CDC42BPA: variants seen among roughly 807,000 people sequenced by gnomAD.
The protein encoded by CDC42BPA is serine/threonine-protein kinase MRCK alpha.
CDC42BPA carries 80 observed loss-of-function variants against 223.5 expected under a neutral mutation model. That is an observed-to-expected ratio of 0.36 (90% CI 0.30 to 0.43). CDC42BPA has a LOEUF of 0.43. CDC42BPA is among the 20% of genes least tolerant of loss of function. The pLI is 1.00. For missense variants in CDC42BPA, 1,743 were observed against 2,099.9 expected (o/e 0.83, Z 3.32); for synonymous variants, 694 against 718.6 (o/e 0.97, Z 0.55).
At chr1:227,073,171 C>A (rs561073721) in intron 19 of CDC42BPA, among the ~76,000 whole-genome samples, 61 of 152,162 alleles carry the variant, frequency 4.0e-4, no homozygotes, top group African/African-American at 1.4e-3. Context: ...AATGGATTTT[C>A]GTATTTGTAG....
chr1:227,079,063 T>C (rs1680090108), intron 17 of CDC42BPA, among the ~76,000 whole-genome samples: 1 of 152,162 alleles, frequency 6.6e-6, no homozygotes, highest in Admixed American at 6.5e-5. Flanking sequence ...CTGACCTTTA[T>C]AAACTTGGAT....
At chr1:227,144,089 A>T (rs1418529338) in intron 8 of CDC42BPA, among the ~76,000 whole-genome samples, 2 of 152,232 alleles carry the variant, frequency 1.3e-5, no homozygotes, top group Non-Finnish European at 2.9e-5. Context: ...TCAAACAGTG[A>T]TCACAGCTTA....
At chr1:227,061,846 G>A (rs1428150877) in intron 21 of CDC42BPA, among the ~76,000 whole-genome samples, 1 of 152,058 alleles carries the variant, frequency 6.6e-6, no homozygotes, top group Non-Finnish European at 1.5e-5. Context: ...TGCCCCTTGG[G>A]GAATCTCATC....
chr1:227,054,031 G>A, intron 21 of CDC42BPA, among the ~76,000 whole-genome samples: 1 of 152,162 alleles, frequency 6.6e-6, no homozygotes, highest in East Asian at 1.9e-4. Context: ...AAAACTGACT[G>A]AAATGTCATC....
At chr1:227,231,462 T>G (rs1437058439) in intron 2 of CDC42BPA, among the ~76,000 whole-genome samples, 1 of 152,182 alleles carries the variant, frequency 6.6e-6, no homozygotes, top group African/African-American at 2.4e-5. Context: ...TGTGTCTTTA[T>G]AGCAGCATGA....
chr1:227,183,573 C>T (rs945125529), intron 5 of CDC42BPA: 2 of 152,180 alleles, frequency 1.3e-5, no homozygotes, highest in Non-Finnish European at 2.9e-5. Context: ...CATGGATATA[C>T]CAGTTTTGTT....
In CDC42BPA at chr1:227,261,085, T is replaced by C. The variant is rs1017401367; in HGVS notation, c.179-6930A>G. On this transcript the variant is annotated intron_variant, in intron 1 of 36. Transcript: ENST00000366766. ...TTATTCACCTTTAAGCACCAGTATCTTTCATATTAAAATTTTTTAACAGAA... is the reference window on the plus strand; with the variant it reads ...TTATTCACCTTTAAGCACCAGTATCCTTCATATTAAAATTTTTTAACAGAA... 3.3e-5 allele frequency among the ~76,000 whole-genome samples: 5 copies of C among 149,980 alleles called. 1 individual carries two copies. The highest frequency in any genetic ancestry group is 7.4e-5 in the Non-Finnish European group (5 of 67,956).
chr1:227,006,406 C>CA (rs1000490227), intron 34 of CDC42BPA, among the ~76,000 whole-genome samples: 7 of 152,184 alleles, frequency 4.6e-5, no homozygotes, highest in African/African-American at 1.7e-4. Context: ...CTGTGCTGCA[C>CA]AGCTGACTGA....
At chr1:227,175,803 C>G (rs1183595430) in intron 5 of CDC42BPA, among the ~76,000 whole-genome samples, 1 of 152,158 alleles carries the variant, frequency 6.6e-6, no homozygotes, top group Non-Finnish European at 1.5e-5. Context: ...CACTTCCTAT[C>G]TAGATCTTGA....
chr1:227,080,330 G>A (rs1220632043), intron 17 of CDC42BPA, among the ~76,000 whole-genome samples: 9 of 152,064 alleles, frequency 5.9e-5, no homozygotes, highest in East Asian at 1.9e-4. Context: ...CAGAATAATC[G>A]TTTAATAAAT....
rs1466750804 is a variant in CDC42BPA, at chr1:227,073,867, T to C, written c.2732A>G (p.Glu911Gly). Reference sequence around the variant, plus strand: ...GGACTATATGATTCAATCTTACCATTCTGTTATGATATTAGATGCTTTAAC... The same window carrying C: ...GGACTATATGATTCAATCTTACCATCCTGTTATGATATTAGATGCTTTAAC... ...NKVKASNIIT[E>G]CKLKDSEKKN... The change falls in exon 19 of 37, where the codon GAA becomes GGA. Residue 911 changes from glutamate to glycine, a missense_variant. By Grantham distance (98) the Glu-to-Gly change is moderately conservative. Around this residue, in one of 6 missense-constraint regions of CDC42BPA, gnomAD observed 678 missense variants for 777.5 expected, o/e 0.87. Coordinates refer to ENST00000366766, the MANE Select transcript of CDC42BPA (RefSeq NM_001394014.1). The C allele has an allele frequency of 6.3e-7, 1 of 1,576,620 alleles. No homozygotes were observed. Among genetic ancestry groups the C allele is most frequent in the South Asian group, 1.2e-5 (1 of 85,052 alleles).
intron 34 of CDC42BPA, among the ~76,000 whole-genome samples, chr1:227,008,487 A>G (rs1664537025): frequency 6.6e-6 from 1 of 152,212 alleles, no homozygotes; most frequent in African/African-American, 2.4e-5. Context: ...GCTAAAAAAT[A>G]TTTTTAAGTT....
chr1:227,246,141 G>T (rs1004223691), intron 2 of CDC42BPA, among the ~76,000 whole-genome samples: 3 of 152,204 alleles, frequency 2.0e-5, no homozygotes, highest in African/African-American at 7.2e-5. Context: ...TGGGCTTTAA[G>T]TGAACACTGG....
At chr1:227,078,559 T>G (rs914751259) in intron 17 of CDC42BPA, among the ~76,000 whole-genome samples, 7 of 152,210 alleles carry the variant, frequency 4.6e-5, no homozygotes, top group Non-Finnish European at 8.8e-5. Context: ...GATGAGCCAA[T>G]GGCGAGAAGG....
At chr1:227,052,688 T>C (rs1017484254) in intron 21 of CDC42BPA, among the ~76,000 whole-genome samples, 1 of 152,214 alleles carries the variant, frequency 6.6e-6, no homozygotes, top group African/African-American at 2.4e-5. Context: ...TTTGGAAAAG[T>C]GGTTCAGGAA....
At chr1:227,034,499 C>A (rs1324816521) in intron 26 of CDC42BPA, among the ~76,000 whole-genome samples, 156 bp downstream of exon 26, 1 of 152,182 alleles carries the variant, frequency 6.6e-6, no homozygotes, top group East Asian at 1.9e-4. Flanking sequence ...CACCTTACTT[C>A]CTATTTTCAA....
intron 35 of CDC42BPA, among the ~76,000 whole-genome samples, chr1:227,003,315 G>C (rs1369334522): frequency 1.3e-5 from 2 of 152,166 alleles, no homozygotes; most frequent in African/African-American, 4.8e-5. Context: ...GTTTCACTAA[G>C]TTGCACCTGG....
intron 2 of CDC42BPA, among the ~76,000 whole-genome samples, chr1:227,240,906 ACTT>A (rs1182574215): frequency 4.6e-5 from 7 of 152,032 alleles, no homozygotes; most frequent in Admixed American, 3.9e-4. Context: ...AAAATTGAAA[ACTT>A]CTGCTCTAAA....
At chr1:227,190,884 G>A (rs552680690) in intron 5 of CDC42BPA, among the ~76,000 whole-genome samples, 78 of 152,136 alleles carry the variant, frequency 5.1e-4, no homozygotes, top group South Asian at 2.3e-3. Context: ...TGTGTGGTGG[G>A]GGGTTAAGAC....
Sources: allele counts gnomAD v4.1 joint callset (sites outside exome capture counted in the v4.1 genomes callset), GRCh38; gene constraint gnomAD v4.1.1; regional missense constraint gnomAD v4.1.1; transcripts MANE v1.5; gene names NCBI Gene and HGNC (gene_info 2026-07-23, HGNC 2026-07-21).